Variants in DDX10 observed in about 807,000 individuals in gnomAD.
The protein encoded by DDX10 is DEAD-box helicase 10.
A neutral mutation model predicts 104.3 loss-of-function variants in DDX10; 74 were observed. That is an observed-to-expected ratio of 0.71 (90% CI 0.59 to 0.86). The LOEUF (loss-of-function observed/expected upper bound fraction) is 0.86. DDX10 is among the 40% of genes least tolerant of loss of function. The pLI is 0.00. For missense variants in DDX10, 952 were observed against 1,040.0 expected (o/e 0.92, Z 1.16); for synonymous variants, 351 against 353.4 (o/e 0.99, Z 0.08).
chr11:108,674,019 A>G (rs1327405157), intron 2 of DDX10, among the ~76,000 whole-genome samples: 1 of 152,006 alleles, frequency 6.6e-6, no homozygotes, highest in Non-Finnish European at 1.5e-5. Context: ...TTATTTTTGG[A>G]TACATAAAAA....
intron 16 of DDX10, among the ~76,000 whole-genome samples, chr11:108,896,035 T>A (rs971504221): frequency 2.0e-5 from 3 of 152,138 alleles, no homozygotes; most frequent in African/African-American, 7.2e-5. Context: ...ATGTAATCGT[T>A]CAGAGGAAGT....
intron 16 of DDX10, among the ~76,000 whole-genome samples, chr11:108,912,098 T>G (rs571689613): frequency 6.6e-6 from 1 of 152,284 alleles, no homozygotes; most frequent in South Asian, 2.1e-4. Flanking sequence ...TAACACACAT[T>G]TCTCAGAGTT....
At chr11:108,788,511 C>T (rs1471506585) in intron 13 of DDX10, among the ~76,000 whole-genome samples, 3 of 152,038 alleles carry the variant, frequency 2.0e-5, no homozygotes, top group South Asian at 4.1e-4. Context: ...TACAGGTATG[C>T]GCCACCACGC....
At chr11:108,808,680 A>G (rs1327601412) in intron 13 of DDX10, among the ~76,000 whole-genome samples, 1 of 152,144 alleles carries the variant, frequency 6.6e-6, no homozygotes, top group Non-Finnish European at 1.5e-5. Flanking sequence ...CATTTTGAAA[A>G]AGATTTACTC....
At chr11:108,749,084 C>A (rs965679296) in intron 13 of DDX10, among the ~76,000 whole-genome samples, 30 of 151,524 alleles carry the variant, frequency 2.0e-4, no homozygotes, top group East Asian at 1.4e-3. Context: ...CTCTCTCTCT[C>A]TCTATATATA....
At position 108,910,858 on chromosome 11, in the gene DDX10, G is replaced by C. The variant is rs143074354; in HGVS notation, c.2305-7015G>C. Among the ~76,000 whole-genome samples the C allele has an allele frequency of 9.9e-5, 15 of 151,896 alleles. No homozygotes were observed. In the East Asian group the frequency reaches 2.9e-3, roughly 29 times the overall value. On this transcript the variant is annotated intron_variant, in intron 16 of 17. Coordinates refer to ENST00000322536, the MANE Select transcript of DDX10 (RefSeq NM_004398.4). ...GGGGGTTCTTGTTTTGAGCAGGCTG[G>C]AAGGGTGGAGAAAGATGAGAGAACT... is the stretch of plus-strand genomic sequence containing the variant.
At chr11:108,708,634 C>G (rs2094279952) in intron 10 of DDX10, among the ~76,000 whole-genome samples, 1 of 149,098 alleles carries the variant, frequency 6.7e-6, no homozygotes, top group South Asian at 2.1e-4. Flanking sequence ...GTCTTGCAAT[C>G]TTGGCTCACT....
intron 5 of DDX10, 136 bp downstream of exon 5, chr11:108,678,571 T>C: frequency 7.0e-6 from 7 of 1,001,788 alleles, no homozygotes; most frequent in Non-Finnish European, 9.6e-6. Flanking sequence ...TACTGAAACA[T>C]TTTGGCATTT....
At chr11:108,748,408 G>A (rs886815307) in intron 13 of DDX10, among the ~76,000 whole-genome samples, 2 of 152,152 alleles carry the variant, frequency 1.3e-5, no homozygotes, top group African/African-American at 2.4e-5. Context: ...TTGAAGATCT[G>A]GACAACACTG....
At chr11:108,872,291 A>G (rs1282406335) in intron 16 of DDX10, among the ~76,000 whole-genome samples, 2 of 152,224 alleles carry the variant, frequency 1.3e-5, no homozygotes, top group Non-Finnish European at 2.9e-5. Context: ...CGTTATTTGC[A>G]TTGAATATCC....
chr11:108,784,689 C>T (rs975795440), intron 13 of DDX10, among the ~76,000 whole-genome samples: 16 of 152,140 alleles, frequency 1.1e-4, no homozygotes, highest in Non-Finnish European at 1.3e-4. Context: ...GAAGCTCTTT[C>T]GTTTAATTAG....
chr11:108,939,380 C>T (rs561195529), intron 17 of DDX10, among the ~76,000 whole-genome samples: 1 of 152,310 alleles, frequency 6.6e-6, no homozygotes, highest in South Asian at 2.1e-4. Context: ...GACTAATGCA[C>T]TCCACACTGA....
At chr11:108,830,641 A>G (rs1862457037) in intron 13 of DDX10, among the ~76,000 whole-genome samples, 1 of 152,104 alleles carries the variant, frequency 6.6e-6, no homozygotes, top group Admixed American at 6.6e-5. Flanking sequence ...CAGGGGGGGA[A>G]TGCTTTCAAC....
chr11:108,693,364 A>ATT lies in DDX10; in HGVS notation c.1139-151_1139-150insTT, dbSNP rs567621638. On this transcript the variant is annotated intron_variant, in intron 8 of 17. Coordinates refer to ENST00000322536, the MANE Select transcript of DDX10 (RefSeq NM_004398.4). ...AGAAATGTTTACTATCTCTTGGTTCATGCAATTAATTTTATTTTTAATAGA... is the reference window on the plus strand; with the variant it reads ...AGAAATGTTTACTATCTCTTGGTTCATTTGCAATTAATTTTATTTTTAATAGA... 6.7e-4 allele frequency: 491 copies of ATT among 729,490 alleles called. 3 individuals carry two copies. The African/African-American group carries it at 8.4e-3, about 12-fold the overall frequency. The allele number at this position is 729,490 out of a possible 1,614,324, so 45.2% of individuals were successfully genotyped here. A position where few individuals can be genotyped will look rare whatever the true frequency, so the allele number is the denominator to read the frequency against.
At chr11:108,895,114 C>T (rs1455412796) in intron 16 of DDX10, among the ~76,000 whole-genome samples, 2 of 151,960 alleles carry the variant, frequency 1.3e-5, no homozygotes, top group African/African-American at 4.8e-5. Flanking sequence ...AAGCTTTGAC[C>T]TGGCTAATTA....
At chr11:108,894,512 G>T (rs190362469) in intron 16 of DDX10, among the ~76,000 whole-genome samples, 1 of 152,148 alleles carries the variant, frequency 6.6e-6, no homozygotes, top group East Asian at 1.9e-4. Context: ...TGAATTAAAT[G>T]TGAAAGTAGA....
chr11:108,713,807 G>A (rs2094287718), intron 10 of DDX10, among the ~76,000 whole-genome samples: 1 of 152,194 alleles, frequency 6.6e-6, no homozygotes, highest in South Asian at 2.1e-4. Context: ...AGGTGTGAGA[G>A]GGTGGGGGCT....
intron 8 of DDX10, 125 bp from the exon 9 acceptor site, chr11:108,693,391 T>A: frequency 1.3e-6 from 1 of 772,150 alleles, no homozygotes; most frequent in South Asian, 1.4e-5. Context: ...TTTAATAGAG[T>A]TCATAGATGA....
intron 13 of DDX10, among the ~76,000 whole-genome samples, chr11:108,743,294 A>G (rs1280402242): frequency 8.5e-5 from 13 of 152,204 alleles, no homozygotes; most frequent in Non-Finnish European, 1.0e-4. Flanking sequence ...GATTATCCCA[A>G]TATATTCAGA....
Sources: allele counts gnomAD v4.1 joint callset (sites outside exome capture counted in the v4.1 genomes callset), GRCh38; gene constraint gnomAD v4.1.1; transcripts MANE v1.5; gene names NCBI Gene and HGNC (gene_info 2026-07-23, HGNC 2026-07-21).